The following YWHAE variants were observed in gnomAD, a reference collection of about 807,000 sequenced individuals.
The protein encoded by YWHAE is tyrosine 3-monooxygenase/tryptophan 5-monooxygenase activation protein epsilon.
In YWHAE, 4 loss-of-function variants were observed where a neutral mutation model predicts 30.1. The observed-to-expected ratio is 0.13, with a 90% CI of 0.07 to 0.30. The LOEUF is 0.30. Among genes scored for constraint, YWHAE ranks in the 10% least tolerant of loss-of-function variants. The probability of loss-of-function intolerance (pLI) is 1.00; values close to 1 mark genes in which losing one functional copy is unlikely to be tolerated. For missense variants in YWHAE, 121 were observed against 315.9 expected (o/e 0.38, Z 4.68); for synonymous variants, 118 against 111.8 (o/e 1.06, Z -0.35).
chr17:1,358,442 C>T (rs1032345171), intron 4 of YWHAE, among the ~76,000 whole-genome samples: 15 of 151,920 alleles, frequency 9.9e-5, no homozygotes, highest in Admixed American at 5.9e-4. Context: ...GGTTTCACCA[C>T]GTTAGCCACG....
intron 1 of YWHAE, among the ~76,000 whole-genome samples, chr17:1,375,956 C>T (rs1181392156): frequency 1.3e-5 from 2 of 152,220 alleles, no homozygotes; most frequent in East Asian, 3.8e-4. Flanking sequence ...CTAAAATAGG[C>T]ACTGTTCCAA....
At chr17:1,358,996 C>T (rs1248448658) in intron 4 of YWHAE, among the ~76,000 whole-genome samples, 1 of 151,794 alleles carries the variant, frequency 6.6e-6, no homozygotes, top group Non-Finnish European at 1.5e-5. Flanking sequence ...ATTAGCCAGG[C>T]ATGGTGGCAG....
chr17:1,398,527 G>A (rs919795816), intron 1 of YWHAE, among the ~76,000 whole-genome samples: 9 of 151,996 alleles, frequency 5.9e-5, no homozygotes, highest in African/African-American at 1.2e-4. Flanking sequence ...GCATTTCGAG[G>A]AAAGCAAGGG....
chr17:1,380,366 C>G (rs978165053), intron 1 of YWHAE, among the ~76,000 whole-genome samples: 1 of 152,090 alleles, frequency 6.6e-6, no homozygotes, highest in South Asian at 2.1e-4. Flanking sequence ...CCTGCCTCAG[C>G]CTTCCAAAGT....
chr17:1,357,851 C>T (rs1486642142), intron 4 of YWHAE, among the ~76,000 whole-genome samples: 6 of 150,938 alleles, frequency 4.0e-5, no homozygotes, highest in African/African-American at 1.5e-4. Flanking sequence ...CGCTTGAAAC[C>T]GGGAGGCAGA....
At chr17:1,396,076 G>A (rs1451984898) in intron 1 of YWHAE, among the ~76,000 whole-genome samples, 2 of 152,030 alleles carry the variant, frequency 1.3e-5, no homozygotes, top group Admixed American at 6.6e-5. Context: ...CCGAGATCGC[G>A]CTATTGCACT....
At chr17:1,352,246 C>A (rs2072647115) in intron 5 of YWHAE, 1 of 152,118 alleles carries the variant, frequency 6.6e-6, no homozygotes. Context: ...ATGTGAATAT[C>A]TCATGCCAAT....
chr17:1,374,150 T>C (rs2073089764), intron 1 of YWHAE, among the ~76,000 whole-genome samples: 1 of 151,836 alleles, frequency 6.6e-6, no homozygotes, highest in Non-Finnish European at 1.5e-5. Context: ...CCGTCTCTAC[T>C]AAAAATACAA....
At chr17:1,389,827 GC>G (rs1207023732) in intron 1 of YWHAE, among the ~76,000 whole-genome samples, 1 of 151,296 alleles carries the variant, frequency 6.6e-6, no homozygotes, top group African/African-American at 2.4e-5. Flanking sequence ...ACCGTACCTG[GC>G]CAATTATTTA....
Position 1,344,480 on chromosome 17 carries a change from T to C in YWHAE, c.*967A>G, listed in dbSNP as rs1346908001. 1 of 188,686 alleles carries C rather than the reference T, an allele frequency of 5.3e-6. No homozygotes were observed. The highest frequency in any genetic ancestry group is 6.2e-5 in the Admixed American group (1 of 16,140). 11.7% of individuals were successfully genotyped at this position (188,686 alleles called of 1,614,324 possible). ...TTTCACATTCAGGCAAACATAATAC[T>C]GTCAGTGTGTTTGGACTAGAGATTT... On this transcript the variant is annotated 3_prime_UTR_variant, in exon 6 of 6. Transcript: ENST00000264335.
chr17:1,368,143 T>C (rs2072974186), intron 1 of YWHAE, among the ~76,000 whole-genome samples: 1 of 151,946 alleles, frequency 6.6e-6, no homozygotes. Context: ...TCCCAACACT[T>C]TGGGAGGCCG....
At chr17:1,385,021 G>A (rs537933031) in intron 1 of YWHAE, among the ~76,000 whole-genome samples, 3 of 151,034 alleles carry the variant, frequency 2.0e-5, no homozygotes, top group South Asian at 2.1e-4. Context: ...CTTTTTAGAG[G>A]AGTCTCCCTA....
At chr17:1,381,414 C>G (rs2073204392) in intron 1 of YWHAE, among the ~76,000 whole-genome samples, 1 of 152,088 alleles carries the variant, frequency 6.6e-6, no homozygotes, top group Non-Finnish European at 1.5e-5. Flanking sequence ...GAGGCTGAAG[C>G]ACGAGCATCC....
intron 1 of YWHAE, chr17:1,399,698 C>G: frequency 2.1e-6 from 1 of 471,024 alleles, no homozygotes; most frequent in Non-Finnish European, 3.9e-6. Context: ...GTCCCAGAAG[C>G]TCCCATGAGG....
At chr17:1,364,702 TA>T (rs1481264390) in intron 2 of YWHAE, 156 bp downstream of exon 2, 1 of 971,588 alleles carries the variant, frequency 1.0e-6, no homozygotes, top group Non-Finnish European at 1.5e-6. Context: ...AAGTTTAACT[TA>T]TAAACCAGGC....
In YWHAE at chr17:1,354,151, G is replaced by GA. The variant is rs1353811743; in HGVS notation, c.715+59dup. The GA allele has an allele frequency of 8.2e-6, 13 of 1,585,598 alleles. No homozygotes were observed. The Admixed American group carries it at 9.0e-5, about 11-fold the overall frequency. The stretch of plus-strand genomic sequence containing the variant: ...AACGACAAGCCAAGGAATGTCTAAA[G>GA]AGAGTACAAACAAATCCTGCAACTG... On this transcript the variant is annotated intron_variant, in intron 5 of 5. Coordinates refer to ENST00000264335, the MANE Select transcript of YWHAE (RefSeq NM_006761.5).
At position 1,363,594 on chromosome 17, in the gene YWHAE, G is replaced by A. The variant is rs533119177; in HGVS notation, c.264+1265C>T. On this transcript the variant is annotated intron_variant, in intron 2 of 5. Coordinates refer to ENST00000264335, the MANE Select transcript of YWHAE (RefSeq NM_006761.5). ...CTCACAACTTTCTATGTGACCTCAG[G>A]TATGTCAAACACCCAAAACCCTGGT... Among the ~76,000 whole-genome samples, 8 of 152,214 alleles carry A rather than the reference G, an allele frequency of 5.3e-5. 1 individual carries two copies. In the South Asian group the frequency reaches 1.5e-3, roughly 28 times the overall value.
chr17:1,345,787 T>C (rs1394435004), intron 5 of YWHAE, among the ~76,000 whole-genome samples: 5 of 152,204 alleles, frequency 3.3e-5, no homozygotes, highest in African/African-American at 1.2e-4. Flanking sequence ...AAGGAAACCA[T>C]CTTACTAAAA....
rs778682523 is a variant in YWHAE at position 1,365,031 on chromosome 17, G to C, written c.92C>G (p.Ala31Gly). Reference sequence around the variant, plus strand: ...AACTGTCAGCTCCACATCCATCCCTGCTACTTTCTTCATTGACTCCACCAT... The same window carrying C: ...AACTGTCAGCTCCACATCCATCCCTCCTACTTTCTTCATTGACTCCACCAT... ...DEMVESMKKV[A>G]GMDVELTVEE... Residue 31 changes from alanine (A) to glycine (G), a missense_variant, in exon 2 of 6, where the codon GCA (alanine) becomes GGA (glycine). Ala to Gly is a moderately conservative substitution (Grantham distance 60, BLOSUM62 0). Coordinates refer to ENST00000264335, the MANE Select transcript of YWHAE (RefSeq NM_006761.5). 1 of 1,614,016 alleles carries C rather than the reference G, an allele frequency of 6.2e-7. No homozygotes were observed. Among genetic ancestry groups the C allele is most frequent in the Non-Finnish European group, 8.5e-7 (1 of 1,180,010 alleles).
Sources: allele counts gnomAD v4.1 joint callset (sites outside exome capture counted in the v4.1 genomes callset), GRCh38; gene constraint gnomAD v4.1.1; transcripts MANE v1.5; gene names NCBI Gene and HGNC (gene_info 2026-07-23, HGNC 2026-07-21).